The following CDKL5 variants were observed in gnomAD, a reference collection of about 807,000 sequenced individuals.
CDKL5 encodes cyclin-dependent kinase-like 5.
CDKL5 carries 8 observed loss-of-function variants against 61.7 expected under a neutral mutation model. The ratio of observed to expected loss-of-function variants is 0.13; its 90% CI spans 0.08 to 0.23. The LOEUF is 0.23. CDKL5 is among the 10% of genes least tolerant of loss of function. CDKL5 has a pLI of 1.00. For missense variants in CDKL5, 440 were observed against 734.5 expected, an observed-to-expected ratio of 0.60 and a Z score of 4.63; for synonymous variants, 275 against 272.3, an observed-to-expected ratio of 1.01 and a Z score of -0.10.
At chrX:18,601,070 A>G (rs1569218552) in intron 11 of CDKL5, among the ~76,000 whole-genome samples, 1 of 111,945 alleles carries the variant, frequency 8.9e-6, no homozygotes, top group Non-Finnish European at 1.9e-5. Context: ...AGAGATGCTC[A>G]CAGCACCATA....
chrX:18,451,431 A>AT (rs779060213), intron 1 of CDKL5, among the ~76,000 whole-genome samples: 1 of 111,730 alleles, frequency 9.0e-6, no homozygotes, highest in South Asian at 3.7e-4. Context: ...ACCTCAGGTG[A>AT]TTCACCCGCC....
Position 18,507,004 on chromosome X carries a change from C to T in CDKL5, c.-93C>T, listed in dbSNP as rs1191614930. 3.1e-6 allele frequency: 2 copies of T among 639,597 alleles called. No homozygotes were observed. The highest frequency in any genetic ancestry group is 5.3e-6 in the Non-Finnish European group (2 of 380,231). 52.7% of individuals were successfully genotyped at this position (639,597 alleles called of 1,213,427 possible). A position where few individuals can be genotyped will look rare whatever the true frequency, so the allele number is the denominator to read the frequency against. ...CCCACCAACCAGTGAGAATTTCTTC[C>T]TTCAGACGGTTTTGGATCTTACTGC... On this transcript the variant is annotated 5_prime_UTR_variant, in exon 2 of 18. Transcript: ENST00000623535.
In CDKL5 at chrX:18,633,549, G is replaced by T. The variant is rs764082768; in HGVS notation, c.*4792G>T. The T allele has an allele frequency of 1.9e-4, 144 of 753,002 alleles. 1 individual carries two copies. The highest frequency in any genetic ancestry group is 2.2e-4 in the Non-Finnish European group (140 of 639,029). The allele number at this position is 753,002 out of a possible 1,213,427, so 62.1% of individuals were successfully genotyped here. A position where few individuals can be genotyped will look rare whatever the true frequency, so the allele number is the denominator to read the frequency against. ...CCAGCTGAGATACAGAATATCTTGA[G>T]GTCTGGTTCAGCTGATGAAAAATTC... On this transcript the variant is annotated 3_prime_UTR_variant, in exon 18 of 18. Transcript: ENST00000623535.
intron 12 of CDKL5, among the ~76,000 whole-genome samples, chrX:18,608,105 C>T (rs1419467789): frequency 9.0e-6 from 1 of 111,201 alleles, no homozygotes; most frequent in Non-Finnish European, 1.9e-5. Flanking sequence ...TTTTTCCCCT[C>T]GGTGAACACC....
At chrX:18,651,051 A>T (rs1284835663) in intron 21 of CDKL5, among the ~76,000 whole-genome samples, 4 of 110,801 alleles carry the variant, frequency 3.6e-5, no homozygotes, top group Non-Finnish European at 5.7e-5. Context: ...TTTTTCTGGC[A>T]AAGACTCAAT....
At chrX:18,557,162 G>A (rs990227324) in intron 3 of CDKL5, among the ~76,000 whole-genome samples, 3 of 111,287 alleles carry the variant, frequency 2.7e-5, no homozygotes, top group Non-Finnish European at 5.6e-5. Flanking sequence ...ATGGCCCTCC[G>A]TATCAGCAGG....
At chrX:18,560,697 G>T (rs758309886) in intron 3 of CDKL5, among the ~76,000 whole-genome samples, 60 of 110,571 alleles carry the variant, frequency 5.4e-4, no homozygotes, top group Non-Finnish European at 4.2e-4. Flanking sequence ...AGAAAAATAG[G>T]AGTAGGAACA....
chrX:18,592,748 C>T (rs1438708011), intron 9 of CDKL5, among the ~76,000 whole-genome samples: 2 of 112,276 alleles, frequency 1.8e-5, no homozygotes, highest in African/African-American at 6.5e-5. Context: ...ATGTCTATGA[C>T]AGATAGCTAA....
chrX:18,449,754 A>T (rs1449544584), intron 1 of CDKL5, among the ~76,000 whole-genome samples: 1 of 108,373 alleles, frequency 9.2e-6, no homozygotes, highest in Non-Finnish European at 1.9e-5. Context: ...TTTTCTTTTC[A>T]TGTTAATAAA....
rs1306623715 is a variant in CDKL5, at chrX:18,628,792, G to A, written c.*35G>A. 2.4e-5 allele frequency: 5 copies of A among 207,013 alleles called. No homozygotes were observed. In the South Asian group the frequency reaches 7.7e-4, roughly 32 times the overall value. The allele number at this position is 207,013 out of a possible 1,213,427, so 17.1% of individuals were successfully genotyped here. ...GTAGGGGGGAGGGGTGGACAGACAA[G>A]CCAGTGGGGAGGGGTGGGAAAGGGT... On this transcript the variant is annotated 3_prime_UTR_variant, in exon 18 of 18. Coordinates refer to ENST00000623535, the MANE Select transcript of CDKL5 (RefSeq NM_001323289.2).
intron 1 of CDKL5, among the ~76,000 whole-genome samples, chrX:18,447,418 G>A (rs1177014966): frequency 9.0e-6 from 1 of 111,554 alleles, no homozygotes. Context: ...CTGAAAGAGC[G>A]ATTTACACGT....
At chrX:18,533,309 C>T (rs1253934578) in intron 3 of CDKL5, among the ~76,000 whole-genome samples, 1 of 110,992 alleles carries the variant, frequency 9.0e-6, no homozygotes, top group Admixed American at 9.6e-5. Context: ...GAAGTAAGGG[C>T]CGTAGAGTGG....
chrX:18,553,570 G>A (rs1318818027), intron 3 of CDKL5, among the ~76,000 whole-genome samples: 2 of 109,309 alleles, frequency 1.8e-5, no homozygotes, highest in Admixed American at 9.8e-5. Flanking sequence ...TTGGCTCACT[G>A]CAACCTCCGC....
chrX:18,582,571 A>G (rs747276815), intron 7 of CDKL5, among the ~76,000 whole-genome samples: 2 of 111,747 alleles, frequency 1.8e-5, no homozygotes, highest in East Asian at 2.8e-4. Context: ...TGTTAGGGTC[A>G]TGGGTCACTT....
intron 1 of CDKL5, among the ~76,000 whole-genome samples, chrX:18,474,390 CATAAGTCCCCAAGTTTT>C (rs1407508542): frequency 2.8e-4 from 31 of 111,075 alleles, no homozygotes; most frequent in African/African-American, 1.0e-3. Context: ...TATTAAGGTA[CATAAGTCCCCAAGTTTT>C]ATAAGTCCCC....
intron 3 of CDKL5, among the ~76,000 whole-genome samples, chrX:18,516,272 C>T (rs1197753739): frequency 8.5e-5 from 9 of 105,790 alleles, no homozygotes. Context: ...TGAGCCATTG[C>T]GCCTGGCCTA....
intron 1 of CDKL5, among the ~76,000 whole-genome samples, chrX:18,442,792 C>A (rs1339606882): frequency 8.9e-6 from 1 of 112,277 alleles, no homozygotes; most frequent in Non-Finnish European, 1.9e-5. Context: ...CCGCGCCTAG[C>A]GCTCTGTTGG....
chrX:18,494,405 A>G (rs917235586), intron 1 of CDKL5, among the ~76,000 whole-genome samples: 8 of 109,209 alleles, frequency 7.3e-5, no homozygotes, highest in African/African-American at 2.7e-4. Flanking sequence ...GTGCCACCAT[A>G]CCCCGTTAAT....
At chrX:18,561,492 C>A (rs1452137224) in intron 3 of CDKL5, among the ~76,000 whole-genome samples, 1 of 109,714 alleles carries the variant, frequency 9.1e-6, no homozygotes, top group Non-Finnish European at 1.9e-5. Context: ...ATTCAACAGT[C>A]AAACCCTCCT....
Sources: gnomAD v4.1 joint callset for allele counts (sites outside exome capture counted in the v4.1 genomes callset) on GRCh38, gnomAD v4.1.1 for gene constraint, MANE v1.5 for transcripts, NCBI Gene and HGNC (gene_info 2026-07-23, HGNC 2026-07-21) for gene names.